Variants in OCA2 observed in about 807,000 individuals in gnomAD.
OCA2 encodes the protein OCA2 melanosomal transmembrane protein.
In OCA2, 77 loss-of-function variants were observed where a neutral mutation model predicts 100.2. That is an observed-to-expected ratio of 0.77 (90% CI 0.64 to 0.93). The LOEUF is 0.93. Among genes scored for constraint, OCA2 ranks in the 40% least tolerant of loss-of-function variants. The pLI is 0.00. For missense variants in OCA2, 1,062 were observed against 1,089.1 expected (o/e 0.98, Z 0.35); for synonymous variants, 432 against 439.2 (o/e 0.98, Z 0.21).
Position 27,960,494 on chromosome 15 carries a change from C to T in OCA2, c.1637-2759G>A, listed in dbSNP as rs187439503. Among the ~76,000 whole-genome samples, 1,455 of 152,196 alleles carry T rather than the reference C, an allele frequency of 9.6e-3. 9 individuals are homozygous for T. Among genetic ancestry groups the T allele is most frequent in the Non-Finnish European group, 0.016 (1,064 of 68,018 alleles). ...GGTTACCTTCTTGTCCAGGCCTCAC[C>T]CTCTCACATTTCTTAATTCTTATTG... On this transcript the variant is annotated intron_variant, in intron 15 of 23. Transcript: ENST00000354638.
At chr15:27,841,736 G>A (rs2151366566) in intron 23 of OCA2, among the ~76,000 whole-genome samples, 1 of 152,254 alleles carries the variant, frequency 6.6e-6, no homozygotes, top group South Asian at 2.1e-4. Flanking sequence ...GAAAGACGAA[G>A]GCAAAGGATA....
rs191761755 is a variant in OCA2, at chr15:27,818,095, A to T, written c.2432+26864T>A. On this transcript the variant is annotated intron_variant, in intron 23 of 23. Coordinates refer to ENST00000354638, the MANE Select transcript of OCA2 (RefSeq NM_000275.3). ...ATTATCAGGTACTAGAATACTTTTT[A>T]AAATATCATCTCTGGCTGGCATGGT... Among the ~76,000 whole-genome samples the T allele has an allele frequency of 3.4e-3, 515 of 152,336 alleles. 3 individuals are homozygous for T. Among genetic ancestry groups the T allele is most frequent in the African/African-American group, 0.012 (482 of 41,576 alleles).
intron 22 of OCA2, among the ~76,000 whole-genome samples, chr15:27,847,465 C>T (rs1452674666): frequency 6.6e-6 from 1 of 152,154 alleles, no homozygotes; most frequent in Non-Finnish European, 1.5e-5. Context: ...CTACACAGGC[C>T]CCTCCTGTCT....
rs117681148 is a variant in OCA2 at position 27,777,006 on chromosome 15, T to G, written c.2433-21534A>C. On this transcript the variant is annotated intron_variant, in intron 23 of 23. Coordinates refer to ENST00000354638, the MANE Select transcript of OCA2 (RefSeq NM_000275.3). ...GGGTGGGGGGAGTGTTGGAGAGCAC[T>G]TCCCCCCACACCAGCCCTGCCACTT... Among the ~76,000 whole-genome samples, 606 of 150,892 alleles carry G rather than the reference T, an allele frequency of 4.0e-3. 3 individuals are homozygous for G. The highest frequency in any genetic ancestry group is 0.014 in the African/African-American group (570 of 41,020).
At chr15:27,780,548 G>A (rs934307948) in intron 23 of OCA2, among the ~76,000 whole-genome samples, 2 of 152,204 alleles carry the variant, frequency 1.3e-5, no homozygotes, top group African/African-American at 4.8e-5. Context: ...GTCTCTGAGT[G>A]TTATTCAAAT....
the OCA2 span, among the ~76,000 whole-genome samples, chr15:27,720,924 A>G: frequency 6.6e-6 from 1 of 152,190 alleles, no homozygotes; most frequent in African/African-American, 2.4e-5. Flanking sequence ...CCTGAGGCTG[A>G]GTCCCTTCAA....
intron 2 of OCA2, among the ~76,000 whole-genome samples, chr15:28,056,008 G>T (rs1436580403): frequency 6.6e-6 from 1 of 152,118 alleles, no homozygotes; most frequent in Non-Finnish European, 1.5e-5. Flanking sequence ...CAAGAGGGCA[G>T]AGACCCAGAG....
intron 2 of OCA2, among the ~76,000 whole-genome samples, 174 bp downstream of exon 2, chr15:28,081,474 A>G (rs1237092555): frequency 6.6e-6 from 1 of 152,214 alleles, no homozygotes; most frequent in African/African-American, 2.4e-5. Context: ...TAAGTTCATC[A>G]TATTTTACAA....
chr15:27,985,264 A>C, intron 12 of OCA2, 76 bp from the exon 13 acceptor site: 2 of 1,563,146 alleles, frequency 1.3e-6, no homozygotes, highest in South Asian at 2.3e-5. Flanking sequence ...TTCATTAGTG[A>C]CTTTAAGAAC....
the OCA2 span, among the ~76,000 whole-genome samples, chr15:27,733,209 G>A: frequency 2.1e-4 from 32 of 152,228 alleles, no homozygotes; most frequent in Admixed American, 2.0e-4. Flanking sequence ...TCAGATGTTC[G>A]GATTTTTTAA....
intron 23 of OCA2, among the ~76,000 whole-genome samples, chr15:27,819,020 T>C (rs933897098): frequency 1.3e-5 from 2 of 152,226 alleles, no homozygotes; most frequent in African/African-American, 2.4e-5. Context: ...TCAGCATCCA[T>C]GACACTTTGC....
intron 22 of OCA2, among the ~76,000 whole-genome samples, chr15:27,846,673 A>G (rs1451827397): frequency 2.6e-5 from 4 of 152,184 alleles, no homozygotes; most frequent in African/African-American, 9.7e-5. Flanking sequence ...ACTTCCCAGG[A>G]AACAGAAGGA....
intron 16 of OCA2, among the ~76,000 whole-genome samples, chr15:27,955,498 G>A (rs570203228): frequency 2.0e-5 from 3 of 152,308 alleles, no homozygotes; most frequent in Non-Finnish European, 4.4e-5. Flanking sequence ...CGAAAACCCC[G>A]CAGCAGTGCG....
intron 19 of OCA2, among the ~76,000 whole-genome samples, chr15:27,909,666 T>C (rs566287316): frequency 1.8e-4 from 28 of 152,264 alleles, no homozygotes; most frequent in African/African-American, 6.5e-4. Flanking sequence ...TCCAGTTTAA[T>C]AAATGGTACT....
intron 19 of OCA2, among the ~76,000 whole-genome samples, chr15:27,916,426 T>C (rs1158084115): frequency 6.6e-6 from 1 of 152,208 alleles, no homozygotes; most frequent in African/African-American, 2.4e-5. Context: ...TAAACATGTT[T>C]ATATTGATGT....
chr15:27,745,491 T>C, the OCA2 span, among the ~76,000 whole-genome samples: 1 of 152,204 alleles, frequency 6.6e-6, no homozygotes, highest in African/African-American at 2.4e-5. Context: ...CTCTAGCGGC[T>C]AGAAATACCT....
In OCA2 at chr15:28,091,684, G is replaced by A. The variant is rs372744841; in HGVS notation, c.-22+7540C>T. 2.1e-4 allele frequency among the ~76,000 whole-genome samples: 32 copies of A among 152,282 alleles called. 1 individual carries two copies. The highest frequency in any genetic ancestry group is 6.8e-3 in the Middle Eastern group (2 of 294). ...AAGTGGAAAGCACCCGGCCCTGCACGGTGGCTCACATCTGTAATCCCAGCA... is the reference window on the plus strand; with the variant it reads ...AAGTGGAAAGCACCCGGCCCTGCACAGTGGCTCACATCTGTAATCCCAGCA... On this transcript the variant is annotated intron_variant, in intron 1 of 23. Transcript: ENST00000354638.
In OCA2 at chr15:27,983,586, C is replaced by T. The variant is rs774679476; in HGVS notation, c.1365-103G>A. 69 of 1,196,668 alleles carry T rather than the reference C, an allele frequency of 5.8e-5. No individual in the cohort carries two copies. In the East Asian group the frequency reaches 1.1e-3, roughly 19 times the overall value. 74.1% of individuals were successfully genotyped at this position (1,196,668 alleles called of 1,614,324 possible). On this transcript the variant is annotated intron_variant, in intron 13 of 23. Coordinates refer to ENST00000354638, the MANE Select transcript of OCA2 (RefSeq NM_000275.3). ...AAGGCGCTTGCTCGTATAAGGGAGG[C>T]GCGCACACACACACACCCCTGTGGG...
chr15:27,723,022 T>C, the OCA2 span, among the ~76,000 whole-genome samples: 2 of 151,902 alleles, frequency 1.3e-5, no homozygotes, highest in African/African-American at 4.8e-5. Flanking sequence ...TTTGTATTTT[T>C]AGTAGAGATG....
Sources: allele counts gnomAD v4.1 joint callset (sites outside exome capture counted in the v4.1 genomes callset), GRCh38; gene constraint gnomAD v4.1.1; transcripts MANE v1.5; gene names NCBI Gene and HGNC (gene_info 2026-07-23, HGNC 2026-07-21).